CHD7: variants seen among roughly 807,000 people sequenced by gnomAD.
CHD7 encodes the protein chromodomain helicase DNA binding protein 7.
CHD7 carries 24 observed loss-of-function variants against 307.3 expected under a neutral mutation model. The ratio of observed to expected loss-of-function variants is 0.08; its 90% confidence interval spans 0.06 to 0.11. CHD7 has a LOEUF of 0.11. CHD7 is among the 10% of genes least tolerant of loss of function. The probability of loss-of-function intolerance (pLI) is 1.00; values close to 1 mark genes in which losing one functional copy is unlikely to be tolerated. For synonymous variants in CHD7, 1,363 were observed against 1,349.9 expected (o/e 1.01, Z -0.21); for missense variants, 3,106 against 3,727.1 (o/e 0.83, Z 4.34).
At chr8:60,739,473 TGTATA>T (rs769817945) in intron 1 of CHD7, among the ~76,000 whole-genome samples, 2 of 152,216 alleles carry the variant, frequency 1.3e-5, no homozygotes, top group South Asian at 2.1e-4. Context: ...TTAAAATAGT[TGTATA>T]GTAAAGCAGC....
intron 1 of CHD7, among the ~76,000 whole-genome samples, chr8:60,689,514 G>A (rs911817273): frequency 6.6e-6 from 1 of 152,196 alleles, no homozygotes; most frequent in Non-Finnish European, 1.5e-5. Flanking sequence ...ACTCAAAGCA[G>A]GACAGGCTCA....
At chr8:60,726,977 A>G (rs1319891046) in intron 1 of CHD7, among the ~76,000 whole-genome samples, 1 of 152,066 alleles carries the variant, frequency 6.6e-6, no homozygotes, top group Non-Finnish European at 1.5e-5. Flanking sequence ...GCCTACTTCT[A>G]TTAGTGTTTA....
At chr8:60,681,388 A>C (rs908580034) in intron 1 of CHD7, among the ~76,000 whole-genome samples, 1 of 152,316 alleles carries the variant, frequency 6.6e-6, no homozygotes, top group African/African-American at 2.4e-5. Context: ...GGCAGCTTTC[A>C]TTTGACTGAG....
chr8:60,862,475 G>C lies in CHD7; in HGVS notation c.7972-73G>C, dbSNP rs954451374. 5.4e-6 allele frequency: 8 copies of C among 1,477,318 alleles called. No individual in the cohort carries two copies. The East Asian group carries it at 7.4e-5, about 14-fold the overall frequency. The allele number at this position is 1,477,318 out of a possible 1,614,324, so 91.5% of individuals were successfully genotyped here. On this transcript the variant is annotated intron_variant, in intron 36 of 37. Coordinates refer to ENST00000423902, the MANE Select transcript of CHD7 (RefSeq NM_017780.4). Reference sequence around the variant, plus strand: ...TGCGTGTATGTGTGTATTATAGAAGGGGGAGGGAGTAGATTAACAGAAAGG... The same window carrying C: ...TGCGTGTATGTGTGTATTATAGAAGCGGGAGGGAGTAGATTAACAGAAAGG...
chr8:60,723,889 T>C (rs761334634), intron 1 of CHD7, among the ~76,000 whole-genome samples: 3 of 152,214 alleles, frequency 2.0e-5, no homozygotes, highest in Non-Finnish European at 4.4e-5. Flanking sequence ...GTGGACACAT[T>C]TTTTAGCAAT....
At chr8:60,683,346 T>A (rs1004572071) in intron 1 of CHD7, among the ~76,000 whole-genome samples, 1 of 152,252 alleles carries the variant, frequency 6.6e-6, no homozygotes, top group Non-Finnish European at 1.5e-5. Context: ...AATTTGGGTA[T>A]CACTCAGGTT....
Position 60,687,497 on chromosome 8 carries a change from T to C in CHD7, c.-175+8415T>C, listed in dbSNP as rs575727375. 5.3e-5 allele frequency among the ~76,000 whole-genome samples: 8 copies of C among 152,348 alleles called. No individual in the cohort carries two copies. The South Asian group carries it at 6.2e-4, about 12-fold the overall frequency. ...GCTTGAAATTTTGCTTTCATTAATC[T>C]CAAGTGTACCGATCTTGCAAGAAAA... On this transcript the variant is annotated intron_variant, in intron 1 of 37. Coordinates refer to ENST00000423902, the MANE Select transcript of CHD7 (RefSeq NM_017780.4).
chr8:60,679,108 C>T, intron 1 of CHD7, 26 bp downstream of exon 1: 1 of 158,078 alleles, frequency 6.3e-6, no homozygotes, highest in Non-Finnish European at 1.4e-5. Flanking sequence ...CGCCCGGCGC[C>T]CCCGGGAGGG....
In CHD7 at chr8:60,800,673, G is replaced by C. The variant is rs934196625; in HGVS notation, c.2376+148G>C. The C allele has an allele frequency of 4.0e-5, 29 of 733,612 alleles. No individual in the cohort carries two copies. The Middle Eastern group carries it at 1.6e-3, about 40-fold the overall frequency. The allele number at this position is 733,612 out of a possible 1,614,324, so 45.4% of individuals were successfully genotyped here. On this transcript the variant is annotated intron_variant, in intron 5 of 37. Transcript: ENST00000423902. ...TTGGATAATGTGCTATGGGAAATTC[G>C]TTGTTTAGCAATATCTTTTAAAAAG...
At chr8:60,818,534 G>A (rs1156608193) in intron 8 of CHD7, among the ~76,000 whole-genome samples, 1 of 152,210 alleles carries the variant, frequency 6.6e-6, no homozygotes, top group Non-Finnish European at 1.5e-5. Context: ...CTTTTGAAAA[G>A]CCAGTGCATT....
chr8:60,842,917 C>T (rs1170807131), intron 21 of CHD7, among the ~76,000 whole-genome samples: 2 of 152,206 alleles, frequency 1.3e-5, no homozygotes, highest in Non-Finnish European at 2.9e-5. Flanking sequence ...CGCCACGCTC[C>T]ATCTCATCTG....
At chr8:60,811,276 C>A (rs1157863198) in intron 7 of CHD7, among the ~76,000 whole-genome samples, 1 of 152,190 alleles carries the variant, frequency 6.6e-6, no homozygotes, top group Non-Finnish European at 1.5e-5. Context: ...TTACAAAAGT[C>A]AGAACTATAC....
At chr8:60,846,738 T>A (rs1379676375) in intron 23 of CHD7, among the ~76,000 whole-genome samples, 1 of 152,250 alleles carries the variant, frequency 6.6e-6, no homozygotes, top group Non-Finnish European at 1.5e-5. Context: ...ATTATCTGTT[T>A]GAATTGTCTA....
At chr8:60,684,215 T>A (rs1326337406) in intron 1 of CHD7, among the ~76,000 whole-genome samples, 1 of 152,224 alleles carries the variant, frequency 6.6e-6, no homozygotes, top group African/African-American at 2.4e-5. Context: ...CAGGCTTGTT[T>A]ACCTATGCTA....
chr8:60,859,160 T>C (rs1208789506), intron 34 of CHD7, among the ~76,000 whole-genome samples: 1 of 152,214 alleles, frequency 6.6e-6, no homozygotes, highest in Non-Finnish European at 1.5e-5. Context: ...ACTGTCACAT[T>C]TTGAAATGTA....
At chr8:60,827,420 A>G (rs1207656407) in intron 13 of CHD7, among the ~76,000 whole-genome samples, 1 of 152,198 alleles carries the variant, frequency 6.6e-6, no homozygotes, top group Non-Finnish European at 1.5e-5. Flanking sequence ...ATACAGCTCA[A>G]CTACTGCAGT....
intron 19 of CHD7, among the ~76,000 whole-genome samples, chr8:60,839,532 T>A (rs1804879928): frequency 6.6e-6 from 1 of 152,204 alleles, no homozygotes; most frequent in Non-Finnish European, 1.5e-5. Context: ...CTGTACTAGT[T>A]TCCTTCCAAG....
At chr8:60,691,877 T>G (rs555905464) in intron 1 of CHD7, among the ~76,000 whole-genome samples, 1 of 152,334 alleles carries the variant, frequency 6.6e-6, no homozygotes, top group South Asian at 2.1e-4. Context: ...TTAGAATGCC[T>G]GAAAAAATAG....
At position 60,864,739 on chromosome 8, in the gene CHD7, TTC is replaced by T. The variant is rs1396558090; in HGVS notation, c.8077-275_8077-274del. On this transcript the variant is annotated intron_variant, in intron 37 of 37. Transcript: ENST00000423902. Reference sequence around the variant, plus strand: ...CTATTTTTGTACCCCATAATGTACTTTCTGATGTATGATTTCTTGAGTTAGTT... The same window carrying T: ...CTATTTTTGTACCCCATAATGTACTTTGATGTATGATTTCTTGAGTTAGTT... 4 of 432,178 alleles carry T rather than the reference TTC, an allele frequency of 9.3e-6. No homozygotes were observed. In the Admixed American group the frequency reaches 1.5e-4, roughly 17 times the overall value. 26.8% of individuals were successfully genotyped at this position (432,178 alleles called of 1,614,324 possible). A position where few individuals can be genotyped will look rare whatever the true frequency, so the allele number is the denominator to read the frequency against.
Sources: gnomAD v4.1 joint callset for allele counts (sites outside exome capture counted in the v4.1 genomes callset) on GRCh38, gnomAD v4.1.1 for gene constraint, MANE v1.5 for transcripts, NCBI Gene and HGNC (gene_info 2026-07-23, HGNC 2026-07-21) for gene names.